TNIK: variants seen among roughly 807,000 people sequenced by gnomAD.
TNIK encodes the protein TRAF2 and NCK interacting kinase.
In TNIK, 49 loss-of-function variants were observed where a neutral mutation model predicts 191.3. That is an observed-to-expected ratio of 0.26 (90% CI 0.20 to 0.32). The LOEUF (loss-of-function observed/expected upper bound fraction) is 0.32. Ranked by LOEUF, TNIK falls within the 10% of genes least tolerant of loss-of-function variation. The pLI, the probability that TNIK is intolerant of heterozygous loss-of-function variation, is 1.00. For synonymous variants in TNIK, 594 were observed against 600.9 expected, an observed-to-expected ratio of 0.99 and a Z score of 0.17; for missense variants, 1,155 against 1,702.3, an observed-to-expected ratio of 0.68 and a Z score of 5.66.
At chr3:171,406,921 T>C (rs1302100214) in intron 1 of TNIK, among the ~76,000 whole-genome samples, 1 of 152,158 alleles carries the variant, frequency 6.6e-6, no homozygotes, top group Non-Finnish European at 1.5e-5. Flanking sequence ...CACAGTAGAC[T>C]CTGTGAGACT....
intron 1 of TNIK, among the ~76,000 whole-genome samples, chr3:171,415,674 C>T (rs550410926): frequency 5.9e-5 from 9 of 151,900 alleles, no homozygotes; most frequent in Non-Finnish European, 1.3e-4. Context: ...GGACCTAATG[C>T]CAATCAGTTG....
At chr3:171,357,452 C>T (rs1714262241) in intron 2 of TNIK, among the ~76,000 whole-genome samples, 1 of 151,766 alleles carries the variant, frequency 6.6e-6, no homozygotes, top group African/African-American at 2.4e-5. Context: ...CCACACTCAG[C>T]TAGTTTTTGT....
chr3:171,162,378 C>T (rs536433450), intron 10 of TNIK, among the ~76,000 whole-genome samples: 5 of 152,274 alleles, frequency 3.3e-5, no homozygotes, highest in South Asian at 2.1e-4. Flanking sequence ...GAGCCAAGAT[C>T]GCACCACTGC....
intron 1 of TNIK, among the ~76,000 whole-genome samples, chr3:171,402,291 A>G (rs1036865378): frequency 2.0e-5 from 3 of 152,248 alleles, no homozygotes; most frequent in African/African-American, 4.8e-5. Flanking sequence ...TCCATTCAAA[A>G]AGGATTTGTG....
At chr3:171,424,669 T>C (rs1724293454) in intron 1 of TNIK, among the ~76,000 whole-genome samples, 1 of 152,090 alleles carries the variant, frequency 6.6e-6, no homozygotes, top group Admixed American at 6.5e-5. Context: ...AATGATGAGT[T>C]CATGTCCTTT....
chr3:171,143,461 C>T (rs907463694), intron 12 of TNIK, among the ~76,000 whole-genome samples: 13 of 152,184 alleles, frequency 8.5e-5, no homozygotes, highest in African/African-American at 2.2e-4. Flanking sequence ...ACCCCTCAGA[C>T]GGGGGCCTGG....
chr3:171,420,482 G>C (rs1723653431), intron 1 of TNIK, among the ~76,000 whole-genome samples: 1 of 152,142 alleles, frequency 6.6e-6, no homozygotes, highest in Admixed American at 6.6e-5. Context: ...GAGGACATGA[G>C]AGTTCTATTC....
chr3:171,079,746 CGTGTGT>C (rs75631037), intron 27 of TNIK, 94 bp from the exon 28 acceptor site: 4 of 1,314,732 alleles, frequency 3.0e-6, no homozygotes, highest in African/African-American at 1.5e-5. Flanking sequence ...ATTTTATTTA[CGTGTGT>C]GTGTGTGTGT....
intron 2 of TNIK, among the ~76,000 whole-genome samples, chr3:171,328,319 C>T (rs756143618): frequency 2.0e-5 from 3 of 152,150 alleles, no homozygotes; most frequent in Non-Finnish European, 4.4e-5. Context: ...AGACCTGTGG[C>T]AAGTAAGGGT....
intron 2 of TNIK, among the ~76,000 whole-genome samples, chr3:171,269,990 TTACCTA>T (rs1170095569): frequency 6.6e-6 from 1 of 152,194 alleles, no homozygotes; most frequent in Non-Finnish European, 1.5e-5. Context: ...TCAGTCATAC[TTACCTA>T]TGATTCCTCC....
intron 2 of TNIK, among the ~76,000 whole-genome samples, chr3:171,285,081 C>A (rs13070180): frequency 0.49 from 73,799 of 151,966 alleles, 18,481 homozygotes; most frequent in Non-Finnish European, 0.5. Context: ...TTTTTCAATG[C>A]AAGACATAGG....
chr3:171,149,408 C>G (rs1732126864), intron 12 of TNIK, among the ~76,000 whole-genome samples: 1 of 152,166 alleles, frequency 6.6e-6, no homozygotes, highest in Admixed American at 6.5e-5. Flanking sequence ...AAAGCGTAGG[C>G]AGGAGCCTGG....
At chr3:171,068,062 TGTTA>T (rs1248957505) in intron 30 of TNIK, among the ~76,000 whole-genome samples, 1 of 152,214 alleles carries the variant, frequency 6.6e-6, no homozygotes, top group African/African-American at 2.4e-5. Flanking sequence ...TTCTCCTGTG[TGTTA>T]GTCTTGGGAT....
At chr3:171,273,482 C>A (rs1189481285) in intron 2 of TNIK, among the ~76,000 whole-genome samples, 1 of 152,180 alleles carries the variant, frequency 6.6e-6, no homozygotes, top group Non-Finnish European at 1.5e-5. Flanking sequence ...CCCTCCTACC[C>A]TCTTCAATGC....
chr3:171,306,139 A>C (rs1753424590), intron 2 of TNIK, among the ~76,000 whole-genome samples: 1 of 152,186 alleles, frequency 6.6e-6, no homozygotes, highest in South Asian at 2.1e-4. Flanking sequence ...ACATGTTCTC[A>C]CTTATAAGTG....
intron 1 of TNIK, among the ~76,000 whole-genome samples, chr3:171,430,872 T>C (rs915923046): frequency 2.0e-5 from 3 of 152,118 alleles, no homozygotes; most frequent in Non-Finnish European, 4.4e-5. Flanking sequence ...TACACCTTCA[T>C]GGTGAATACA....
intron 21 of TNIK, among the ~76,000 whole-genome samples, chr3:171,106,055 G>T (rs942158465): frequency 4.6e-5 from 7 of 152,102 alleles, no homozygotes; most frequent in Admixed American, 1.3e-4. Flanking sequence ...CTTCAACTAT[G>T]ATCATAACTG....
chr3:171,244,823 A>G (rs1325863006), intron 2 of TNIK, among the ~76,000 whole-genome samples: 2 of 149,858 alleles, frequency 1.3e-5, no homozygotes, highest in Non-Finnish European at 3.0e-5. Context: ...TAAATATTAT[A>G]TATTTATTAT....
chr3:171,440,370 A>T lies in TNIK; in HGVS notation c.57+19637T>A, dbSNP rs553503891. On this transcript the variant is annotated intron_variant, in intron 1 of 32. Transcript: ENST00000436636. ...TGCAACCCATTAAACTCACTCCACAACCCATTACAATTTGAAAAACACCTG... is the reference window on the plus strand; with the variant it reads ...TGCAACCCATTAAACTCACTCCACATCCCATTACAATTTGAAAAACACCTG... Among the ~76,000 whole-genome samples, 7 of 152,198 alleles carry T rather than the reference A, an allele frequency of 4.6e-5. No individual in the cohort carries two copies. In the South Asian group the frequency reaches 1.5e-3, roughly 32 times the overall value.
Sources: gnomAD v4.1 joint callset for allele counts (sites outside exome capture counted in the v4.1 genomes callset) on GRCh38, gnomAD v4.1.1 for gene constraint, MANE v1.5 for transcripts, NCBI Gene and HGNC (gene_info 2026-07-23, HGNC 2026-07-21) for gene names.